Variants in NRXN3 observed in about 807,000 individuals in gnomAD.
The protein encoded by NRXN3 is neurexin III.
Under a neutral mutation model 137.6 loss-of-function variants are expected in NRXN3, and 32 were observed. That is an observed-to-expected ratio of 0.23 (90% CI 0.18 to 0.31). The LOEUF (loss-of-function observed/expected upper bound fraction) is 0.31. NRXN3 is among the 10% of genes least tolerant of loss of function. The pLI is 1.00. For missense variants in NRXN3, 1,574 were observed against 2,062.5 expected (o/e 0.76, Z 4.59); for synonymous variants, 798 against 784.5 (o/e 1.02, Z -0.29).
intron 15 of NRXN3, among the ~76,000 whole-genome samples, chr14:79,356,935 C>T (rs905384853): frequency 2.6e-5 from 4 of 152,006 alleles, no homozygotes; most frequent in African/African-American, 9.7e-5. Context: ...CACTTTGTGG[C>T]GAGGCTGGTC....
rs879030910 is a variant in NRXN3, at chr14:78,281,874, C to G, written c.727+3212C>G. On this transcript the variant is annotated intron_variant, in intron 3 of 20. Transcript: ENST00000335750. ...GTGCTCTTGTTCTTCCAGACCCTGC[C>G]TTTCACATGACAGAGCTGTGGGCCA... 2.0e-5 allele frequency among the ~76,000 whole-genome samples: 3 copies of G among 152,316 alleles called. No homozygotes were observed. The South Asian group carries it at 6.2e-4, about 32-fold the overall frequency.
intron 6 of NRXN3, among the ~76,000 whole-genome samples, chr14:78,689,952 A>G (rs2098157073): frequency 1.3e-5 from 2 of 150,390 alleles, no homozygotes; most frequent in African/African-American, 4.9e-5. Flanking sequence ...CACTTCTCCA[A>G]CTCAGTTCTT....
intron 10 of NRXN3, among the ~76,000 whole-genome samples, chr14:78,926,307 G>A (rs2099290504): frequency 6.6e-6 from 1 of 151,876 alleles, no homozygotes; most frequent in African/African-American, 2.4e-5. Context: ...TAGAACAACT[G>A]TAAAAATAAT....
At chr14:79,050,718 C>T (rs547158093) in intron 15 of NRXN3, among the ~76,000 whole-genome samples, 203 of 152,334 alleles carry the variant, frequency 1.3e-3, no homozygotes, top group Middle Eastern at 6.8e-3. Context: ...CTCAAGGTCA[C>T]ATAGCTTGTT....
chr14:79,176,546 A>G (rs905074712), intron 15 of NRXN3, among the ~76,000 whole-genome samples: 1 of 152,138 alleles, frequency 6.6e-6, no homozygotes, highest in Non-Finnish European at 1.5e-5. Context: ...ATTTTGCTAT[A>G]TGCAACCGGC....
At chr14:79,284,382 ATATG>A (rs1350281525) in intron 15 of NRXN3, among the ~76,000 whole-genome samples, 42 of 120,496 alleles carry the variant, frequency 3.5e-4, no homozygotes, top group Non-Finnish European at 6.2e-4. Flanking sequence ...ATATATATAT[ATATG>A]TATCTCCAAT....
At chr14:79,045,151 A>T (rs1228547023) in intron 15 of NRXN3, among the ~76,000 whole-genome samples, 1 of 152,116 alleles carries the variant, frequency 6.6e-6, no homozygotes, top group African/African-American at 2.4e-5. Flanking sequence ...TTTTCTGTTT[A>T]TTTGTTTGAT....
chr14:79,017,017 A>G (rs1323376136), intron 15 of NRXN3, among the ~76,000 whole-genome samples: 1 of 152,114 alleles, frequency 6.6e-6, no homozygotes, highest in South Asian at 2.1e-4. Context: ...ATTAGTATAA[A>G]CCTGGCACTT....
chr14:78,510,476 C>T (rs2096083162), intron 4 of NRXN3, among the ~76,000 whole-genome samples: 1 of 152,140 alleles, frequency 6.6e-6, no homozygotes, highest in East Asian at 1.9e-4. Context: ...CCTACATCCA[C>T]ATATCTCAAA....
chr14:79,020,778 A>G (rs955784335), intron 15 of NRXN3, among the ~76,000 whole-genome samples: 1 of 151,828 alleles, frequency 6.6e-6, no homozygotes, highest in Non-Finnish European at 1.5e-5. Context: ...CCCTAACCAC[A>G]TTGTCCATAT....
At chr14:78,715,458 T>C (rs2098426882) in intron 8 of NRXN3, among the ~76,000 whole-genome samples, 1 of 152,220 alleles carries the variant, frequency 6.6e-6, no homozygotes, top group South Asian at 2.1e-4. Context: ...GGCTGTTTTA[T>C]TCATTCATTT....
In NRXN3 at chr14:78,967,333, G is replaced by A. The variant is rs767350605; in HGVS notation, c.2903G>A (p.Ser968Asn). 1 of 1,614,050 alleles carries A rather than the reference G, an allele frequency of 6.2e-7. No individual in the cohort carries two copies. The highest frequency in any genetic ancestry group is 8.5e-7 in the Non-Finnish European group (1 of 1,179,986). ...ACTCGGGACAATAGTAACACTCATA[G>A]CCTGAAAGTGGACACCAAAGTGGTC... Reference protein sequence around the residue: ...VITRDNSNTHSLKVDTKVVTQ... With the variant: ...VITRDNSNTHNLKVDTKVVTQ... Residue 968 changes from serine (S) to asparagine (N), a missense_variant, in exon 13 of 21, where the codon AGC becomes AAC. Around this residue, in one of 5 missense-constraint regions of NRXN3, gnomAD observed 718 missense variants for 887.6 expected, o/e 0.81. Coordinates refer to ENST00000335750, the MANE Select transcript of NRXN3 (RefSeq NM_001330195.2).
intron 17 of NRXN3, 40 bp from the exon 18 acceptor site, chr14:79,692,133 T>C (rs2154025549): frequency 6.7e-7 from 1 of 1,486,258 alleles, no homozygotes; most frequent in Non-Finnish European, 9.2e-7. Flanking sequence ...ACTTATTGAC[T>C]TTTCAGATTG....
intron 4 of NRXN3, among the ~76,000 whole-genome samples, chr14:78,362,617 A>G (rs1488957116): frequency 6.6e-6 from 1 of 152,184 alleles, no homozygotes; most frequent in Non-Finnish European, 1.5e-5. Context: ...ATATATCAAT[A>G]ATTATTAACT....
intron 15 of NRXN3, among the ~76,000 whole-genome samples, chr14:79,226,951 G>C (rs1023840345): frequency 1.3e-5 from 2 of 150,366 alleles, no homozygotes; most frequent in African/African-American, 4.9e-5. Context: ...CTCCTGAATA[G>C]CTAGGATTAC....
At chr14:79,051,510 C>A (rs1326901203) in intron 15 of NRXN3, among the ~76,000 whole-genome samples, 1 of 152,150 alleles carries the variant, frequency 6.6e-6, no homozygotes, top group Non-Finnish European at 1.5e-5. Context: ...TTTGTTCAGT[C>A]CAGTTTTAAT....
intron 4 of NRXN3, among the ~76,000 whole-genome samples, chr14:78,599,279 C>T (rs74064318): frequency 0.015 from 2,244 of 152,352 alleles, 63 homozygotes; most frequent in African/African-American, 0.05. Context: ...TGAAACCTAG[C>T]GGCTTTCCAC....
intron 15 of NRXN3, among the ~76,000 whole-genome samples, chr14:79,157,818 T>A (rs954671656): frequency 1.3e-5 from 2 of 151,822 alleles, no homozygotes; most frequent in Admixed American, 6.6e-5. Flanking sequence ...GGATTACTTA[T>A]AACAAAAGAC....
chr14:78,219,754 G>T (rs1440553857), intron 1 of NRXN3, among the ~76,000 whole-genome samples: 2 of 152,208 alleles, frequency 1.3e-5, no homozygotes, highest in Admixed American at 6.5e-5. Context: ...TTAGAAGCCT[G>T]GGAGTGATCT....
Sources: gnomAD v4.1 joint callset for allele counts (sites outside exome capture counted in the v4.1 genomes callset) on GRCh38, gnomAD v4.1.1 for gene constraint, gnomAD v4.1.1 regional missense constraint, MANE v1.5 for transcripts, NCBI Gene and HGNC (gene_info 2026-07-23, HGNC 2026-07-21) for gene names.